RHOU: variants seen among roughly 807,000 people sequenced by gnomAD.
RHOU encodes rho-related GTP-binding protein RhoU.
A neutral mutation model predicts 12.6 loss-of-function variants in RHOU; 8 were observed. The ratio of observed to expected loss-of-function variants is 0.64; its 90% CI spans 0.37 to 1.15. The LOEUF (loss-of-function observed/expected upper bound fraction) is 1.15, where lower values mean the gene tolerates loss of function less well. Ranked by LOEUF, RHOU falls within the 50% of genes most tolerant of loss-of-function variation. The pLI is 0.01. For synonymous variants in RHOU, 161 were observed against 147.4 expected (o/e 1.09, Z -0.67); for missense variants, 258 against 347.0 (o/e 0.74, Z 2.04).
the RHOU span, among the ~76,000 whole-genome samples, chr1:228,699,866 CAGTT>C: frequency 6.6e-6 from 1 of 152,084 alleles, no homozygotes; most frequent in African/African-American, 2.4e-5. Flanking sequence ...TTGAAAATGA[CAGTT>C]GAATGAAATC....
upstream of RHOU, among the ~76,000 whole-genome samples, chr1:228,733,433 G>A (rs1489201655): frequency 1.3e-5 from 2 of 152,158 alleles, no homozygotes; most frequent in Non-Finnish European, 2.9e-5. Context: ...TCAGCCTCTG[G>A]AGTATTTGGA....
the RHOU span, among the ~76,000 whole-genome samples, chr1:228,646,804 GCA>G: frequency 2.5e-3 from 386 of 151,578 alleles, no homozygotes; most frequent in African/African-American, 8.9e-3. Context: ...GCAGACGCAC[GCA>G]CACACACACA....
the RHOU span, among the ~76,000 whole-genome samples, chr1:228,681,932 A>G: frequency 2.0e-5 from 3 of 152,140 alleles, no homozygotes; most frequent in African/African-American, 7.2e-5. Flanking sequence ...TTGACTTGCC[A>G]CCAAGGGAAT....
At chr1:228,707,130 A>ATATATATATATATATATATG in the RHOU span, among the ~76,000 whole-genome samples, 15 of 110,184 alleles carry the variant, frequency 1.4e-4, no homozygotes, top group Non-Finnish European at 2.1e-4. Flanking sequence ...ATATATACAT[A>ATATATATATATATATATATG]TATATATATA....
At chr1:228,708,637 CT>C in the RHOU span, among the ~76,000 whole-genome samples, 1 of 151,778 alleles carries the variant, frequency 6.6e-6, no homozygotes, top group Admixed American at 6.6e-5. Context: ...CAGGCCTGCC[CT>C]AAAAGAGCTC....
At chr1:228,650,934 A>G in the RHOU span, 1 of 366,434 alleles carries the variant, frequency 2.7e-6, no homozygotes, top group Middle Eastern at 4.2e-4. Flanking sequence ...CACATGGCTG[A>G]CATTAGCTCT....
the RHOU span, among the ~76,000 whole-genome samples, chr1:228,691,710 A>G: frequency 2.0e-5 from 3 of 152,204 alleles, no homozygotes; most frequent in Non-Finnish European, 2.9e-5. Flanking sequence ...ATGAATATCT[A>G]TGTACAGATT....
chr1:228,693,817 T>C, the RHOU span, among the ~76,000 whole-genome samples: 439 of 152,302 alleles, frequency 2.9e-3, 3 homozygotes, highest in African/African-American at 0.01. Context: ...TAAAAGAAGA[T>C]GATTTTTAAA....
At position 228,744,357 on chromosome 1, in the gene RHOU, T is replaced by TA. The variant is rs1662782432; in HGVS notation, c.*618dup. On this transcript the variant is annotated 3_prime_UTR_variant, in exon 3 of 3. Coordinates refer to ENST00000366691, the MANE Select transcript of RHOU (RefSeq NM_021205.6). The stretch of plus-strand genomic sequence containing the variant: ...CCAACAGAAAACATCCCACTGACTG[T>TA]ATGGCACTCTGTAGTCAAAAAAGGA... The TA allele has an allele frequency of 6.6e-6, 1 of 152,294 alleles. No homozygotes were observed. Among genetic ancestry groups the TA allele is most frequent in the African/African-American group, 2.4e-5 (1 of 41,462 alleles). 9.4% of individuals were successfully genotyped at this position (152,294 alleles called of 1,614,324 possible).
the RHOU span, among the ~76,000 whole-genome samples, chr1:228,724,051 T>C: frequency 6.6e-6 from 1 of 152,174 alleles, no homozygotes; most frequent in Non-Finnish European, 1.5e-5. Context: ...TTTTTTTTCG[T>C]CTCTGTGACA....
the RHOU span, among the ~76,000 whole-genome samples, chr1:228,700,253 G>A: frequency 0.17 from 25,596 of 152,140 alleles, 2,830 homozygotes; most frequent in African/African-American, 0.31. Context: ...GAACAATGGA[G>A]TTCATTTAAA....
chr1:228,741,002 G>A (rs537315130), intron 2 of RHOU, among the ~76,000 whole-genome samples: 5 of 152,156 alleles, frequency 3.3e-5, no homozygotes, highest in South Asian at 4.2e-4. Context: ...AAAGTATTGC[G>A]GAAATAGGAG....
At chr1:228,731,347 A>G (rs1030071701), upstream of RHOU, among the ~76,000 whole-genome samples, 3 of 152,294 alleles carry the variant, frequency 2.0e-5, no homozygotes, top group Admixed American at 2.0e-4. Context: ...GATTCTTATG[A>G]ATAGGGCAAG....
chr1:228,663,453 G>T, the RHOU span, among the ~76,000 whole-genome samples: 1 of 151,826 alleles, frequency 6.6e-6, no homozygotes, highest in Non-Finnish European at 1.5e-5. Flanking sequence ...CAACTCATAG[G>T]AAAGCAATAA....
At chr1:228,741,965 AC>A (rs1403769488) in intron 2 of RHOU, among the ~76,000 whole-genome samples, 1 of 152,256 alleles carries the variant, frequency 6.6e-6, no homozygotes, top group African/African-American at 2.4e-5. Context: ...TGAAGAAAGT[AC>A]ATTCAAATAA....
chr1:228,723,653 G>A, the RHOU span, among the ~76,000 whole-genome samples: 1 of 152,210 alleles, frequency 6.6e-6, no homozygotes. Flanking sequence ...GGGGCTTTAC[G>A]AGTGGGGCCT....
chr1:228,687,843 C>T, the RHOU span: 1 of 1,182,344 alleles, frequency 8.5e-7, no homozygotes, highest in Non-Finnish European at 1.2e-6. Flanking sequence ...AGGCTAATTT[C>T]CACATAGCCG....
chr1:228,704,807 T>C, the RHOU span, among the ~76,000 whole-genome samples: 1 of 151,930 alleles, frequency 6.6e-6, no homozygotes, highest in African/African-American at 2.4e-5. Flanking sequence ...TTTGTTTGCT[T>C]GTTTGTTTGT....
At chr1:228,691,618 G>T in the RHOU span, among the ~76,000 whole-genome samples, 2 of 152,132 alleles carry the variant, frequency 1.3e-5, no homozygotes, top group Admixed American at 1.3e-4. Flanking sequence ...TATTCAGGAT[G>T]TACCACAGTT....
Sources: gnomAD v4.1 joint callset for allele counts (sites outside exome capture counted in the v4.1 genomes callset) on GRCh38, gnomAD v4.1.1 for gene constraint, MANE v1.5 for transcripts, NCBI Gene and HGNC (gene_info 2026-07-23, HGNC 2026-07-21) for gene names.